NEDD1: variants seen among roughly 807,000 people sequenced by gnomAD.
The protein encoded by NEDD1 is protein NEDD1.
Under a neutral mutation model 74.0 loss-of-function variants are expected in NEDD1, and 33 were observed. The observed-to-expected ratio is 0.45, with a 90% CI of 0.34 to 0.60. NEDD1 has a LOEUF of 0.60. Ranked by LOEUF, NEDD1 falls within the 20% of genes least tolerant of loss-of-function variation. The probability of loss-of-function intolerance (pLI) is 0.01; values close to 1 mark genes in which losing one functional copy is unlikely to be tolerated. For synonymous variants in NEDD1, 250 were observed against 264.4 expected (o/e 0.95, Z 0.53); for missense variants, 746 against 776.5 (o/e 0.96, Z 0.47).
intron 15 of NEDD1, 47 bp downstream of exon 15, chr12:96,951,545 T>C (rs780862950): frequency 1.2e-5 from 12 of 980,010 alleles, no homozygotes; most frequent in Non-Finnish European, 1.7e-5. Flanking sequence ...AAAGTAGAGT[T>C]GTGTGAATTT....
chr12:96,941,810 C>T (rs1292071194), intron 10 of NEDD1, among the ~76,000 whole-genome samples: 1 of 152,102 alleles, frequency 6.6e-6, no homozygotes, highest in African/African-American at 2.4e-5. Context: ...CATACGCCCT[C>T]CAGATTCATT....
rs928048046 is a variant in NEDD1, at chr12:96,943,612, A to G, written c.1347A>G (p.Pro449=). 9 of 1,613,060 alleles carry G rather than the reference A, an allele frequency of 5.6e-6. No homozygotes were observed. The Middle Eastern group carries it at 5.0e-4, about 89-fold the overall frequency. Residue 449 remains proline, a synonymous_variant, in exon 12 of 16, where the codon CCA becomes CCG. Transcript: ENST00000266742. ...LNSVFPPRKN[P]VTSSTSVLHS... is the part of the protein sequence containing the mutation. ...CAGTGTTTCCTCCAAGAAAAAATCC[A>G]GTAACTTCAAGTACTTCAGTATTGC...
At chr12:96,934,577 G>A (rs767621113) in intron 6 of NEDD1, among the ~76,000 whole-genome samples, 4 of 150,582 alleles carry the variant, frequency 2.7e-5, no homozygotes, top group Non-Finnish European at 5.9e-5. Flanking sequence ...TCACTCTGTC[G>A]CCCAGGCTGG....
At position 96,935,124 on chromosome 12, in the gene NEDD1, G is replaced by T. The variant is rs1351633770; in HGVS notation, c.638G>T (p.Cys213Phe). The T allele has an allele frequency of 1.2e-6, 2 of 1,613,574 alleles. No homozygotes were observed. Among genetic ancestry groups the T allele is most frequent in the South Asian group, 2.2e-5 (2 of 91,072 alleles). ...CACAAAGCTCCAGCGTCAGGCATCT[G>T]TTTTTCTCCTGTCAATGAATTGCTC... ...SVHKAPASGI[C>F]FSPVNELLFV... Residue 213 changes from cysteine to phenylalanine, a missense_variant, in exon 7 of 16, where the codon TGT becomes TTT. By Grantham distance (205) the Cys-to-Phe change is radical. Around this residue, in one of 3 missense-constraint regions of NEDD1, gnomAD observed 706 missense variants for 706.7 expected, o/e 1.00. Transcript: ENST00000266742.
At chr12:96,908,298 C>G (rs1873536667) in intron 2 of NEDD1, among the ~76,000 whole-genome samples, 1 of 152,140 alleles carries the variant, frequency 6.6e-6, no homozygotes, top group Non-Finnish European at 1.5e-5. Flanking sequence ...ATAATTCTGT[C>G]TTTAACTTGT....
chr12:96,908,132 G>T (rs1045097408), intron 2 of NEDD1, among the ~76,000 whole-genome samples: 3 of 152,214 alleles, frequency 2.0e-5, no homozygotes, highest in African/African-American at 7.2e-5. Flanking sequence ...AAGGGGGCAC[G>T]TGTTACACAT....
intron 9 of NEDD1, among the ~76,000 whole-genome samples, chr12:96,939,764 G>GT (rs895778677): frequency 1.6e-4 from 25 of 152,048 alleles, no homozygotes; most frequent in African/African-American, 5.8e-4. Flanking sequence ...AACTGCTGCC[G>GT]TCTCTTTATT....
At chr12:96,917,773 G>T in intron 5 of NEDD1, 36 bp downstream of exon 5, 1 of 1,529,210 alleles carries the variant, frequency 6.5e-7, no homozygotes, top group Non-Finnish European at 8.7e-7. Context: ...TGAAAAAATG[G>T]ATATCTTAAT....
In NEDD1 at chr12:96,940,525, C is replaced by T; in HGVS notation, c.1234C>T (p.Pro412Ser). 1 of 1,604,472 alleles carries T rather than the reference C, an allele frequency of 6.2e-7. No homozygotes were observed. Among genetic ancestry groups the T allele is most frequent in the Non-Finnish European group, 8.5e-7 (1 of 1,172,992 alleles). Residue 412 changes from proline to serine, a missense_variant, in exon 10 of 16, where the codon CCT becomes TCT. Pro to Ser is a moderately conservative substitution (Grantham distance 74). Around this residue, in one of 3 missense-constraint regions of NEDD1, gnomAD observed 706 missense variants for 706.7 expected, o/e 1.00. Coordinates refer to ENST00000266742, the MANE Select transcript of NEDD1 (RefSeq NM_152905.4). ...AAGTAGTTTAGGTGACATGTTCTCA[C>T]CTATCAGAGATGGTAAGTCTGTTCA... Reference protein sequence around the residue: ...GKSSLGDMFSPIRDDAVVNKG... With the variant: ...GKSSLGDMFSSIRDDAVVNKG...
chr12:96,941,327 C>T (rs547638718), intron 10 of NEDD1, among the ~76,000 whole-genome samples: 1 of 152,110 alleles, frequency 6.6e-6, no homozygotes, highest in East Asian at 1.9e-4. Flanking sequence ...TCATTTTTTA[C>T]TTTAAAATTG....
In NEDD1 at chr12:96,907,665, T is replaced by C; in HGVS notation, c.-200T>C. ...GCTGTTGTCCTGCAAGTAAAGTGTA[T>C]TTTTGGTGATTGAAAGTTGGAGAAC... On this transcript the variant is annotated 5_prime_UTR_variant, in exon 2 of 16. Transcript: ENST00000266742. 6.4e-7 allele frequency: 1 copy of C among 1,550,714 alleles called. No individual in the cohort carries two copies. The highest frequency in any genetic ancestry group is 2.4e-5 in the East Asian group (1 of 40,914).
rs904152982 is a variant in NEDD1 at position 96,907,278 on chromosome 12, C to A, written c.-284C>A. ...GCCCAGCGCGGAGCCGGCCGCGGCCCCCTGTTGTGTTGCTGCGGAGAGGTG... is the reference window on the plus strand; with the variant it reads ...GCCCAGCGCGGAGCCGGCCGCGGCCACCTGTTGTGTTGCTGCGGAGAGGTG... On this transcript the variant is annotated 5_prime_UTR_variant, in exon 1 of 16. Transcript: ENST00000266742. The A allele has an allele frequency of 3.7e-6, 1 of 271,918 alleles. No individual in the cohort carries two copies. Among genetic ancestry groups the A allele is most frequent in the South Asian group, 1.1e-4 (1 of 8,946 alleles). The allele number at this position is 271,918 out of a possible 1,614,324, so 16.8% of individuals were successfully genotyped here.
At position 96,952,791 on chromosome 12, in the gene NEDD1, G is replaced by A. The variant is rs151137222; in HGVS notation, c.*738G>A. On this transcript the variant is annotated 3_prime_UTR_variant, in exon 16 of 16. Transcript: ENST00000266742. Reference sequence around the variant, plus strand: ...GATTTTCTCATTAGTAACATGCAACGTTGTACTGCAAAATTTCAATCAACA... The same window carrying A: ...GATTTTCTCATTAGTAACATGCAACATTGTACTGCAAAATTTCAATCAACA... 7.2e-5 allele frequency: 11 copies of A among 151,744 alleles called. No homozygotes were observed. Among genetic ancestry groups the A allele is most frequent in the African/African-American group, 1.7e-4 (7 of 41,508 alleles). 9.4% of individuals were successfully genotyped at this position (151,744 alleles called of 1,614,324 possible).
Position 96,923,141 on chromosome 12 carries a change from C to T in NEDD1, c.489+3016C>T, listed in dbSNP as rs190435809. On this transcript the variant is annotated intron_variant, in intron 6 of 15. Transcript: ENST00000266742. ...CAAAAGAAAAAAAAAAGCAAGGAAT[C>T]ATATGTGTCTGGTTTCTTTTAGTCA... Among the ~76,000 whole-genome samples the T allele has an allele frequency of 4.3e-4, 65 of 152,056 alleles. No individual in the cohort carries two copies. The East Asian group carries it at 0.012, about 29-fold the overall frequency.
rs768148960 is a variant in NEDD1, at chr12:96,945,824, A to G, written c.1786A>G (p.Ile596Val). 3 of 1,611,756 alleles carry G rather than the reference A, an allele frequency of 1.9e-6. No homozygotes were observed. Among genetic ancestry groups the G allele is most frequent in the East Asian group, 2.2e-5 (1 of 44,848 alleles). Residue 596 changes from isoleucine to valine, a missense_variant, in exon 14 of 16, where the codon ATA (isoleucine) becomes GTA (valine). Transcript: ENST00000266742. ...SIQIRFIQNM[I>V]QETLDDFREA... Reference sequence around the variant, plus strand: ...TCAAATTCGTTTTATTCAGAACATGATACAGGAAACGTTGGATGACTTTAG... The same window carrying G: ...TCAAATTCGTTTTATTCAGAACATGGTACAGGAAACGTTGGATGACTTTAG...
chr12:96,947,440 G>T (rs1343621600), intron 14 of NEDD1, among the ~76,000 whole-genome samples: 1 of 152,182 alleles, frequency 6.6e-6, no homozygotes, highest in Non-Finnish European at 1.5e-5. Context: ...AATGTTTGCA[G>T]AGAGAAGGCA....
chr12:96,909,405 C>G (rs1873663506), intron 2 of NEDD1, among the ~76,000 whole-genome samples: 1 of 151,990 alleles, frequency 6.6e-6, no homozygotes, highest in South Asian at 2.1e-4. Context: ...GCACAGGGAG[C>G]AGCAAATGAA....
chr12:96,940,011 A>C (rs1212326561), intron 9 of NEDD1, among the ~76,000 whole-genome samples: 1 of 152,078 alleles, frequency 6.6e-6, no homozygotes, highest in Non-Finnish European at 1.5e-5. Flanking sequence ...ACTAAAAAAA[A>C]ATCACATTTG....
intron 12 of NEDD1, 32 bp from the exon 13 acceptor site, chr12:96,944,600 AATTGTAT>A (rs1565812286): frequency 7.5e-7 from 1 of 1,332,550 alleles, no homozygotes; most frequent in East Asian, 2.6e-5. Context: ...TGAGTAAAAA[AATTGTAT>A]ATTAAAGTCA....
Sources: gnomAD v4.1 joint callset for allele counts (sites outside exome capture counted in the v4.1 genomes callset) on GRCh38, gnomAD v4.1.1 for gene constraint, gnomAD v4.1.1 regional missense constraint, MANE v1.5 for transcripts, NCBI Gene and HGNC (gene_info 2026-07-23, HGNC 2026-07-21) for gene names.